The following ST6GALNAC2 variants were observed in gnomAD, a reference collection of about 807,000 sequenced individuals.
The protein encoded by ST6GALNAC2 is ST6 N-acetylgalactosaminide alpha-2,6-sialyltransferase 2.
Under a neutral mutation model 38.7 loss-of-function variants are expected in ST6GALNAC2, and 42 were observed. The observed-to-expected ratio is 1.09, with a 90% CI of 0.85 to 1.40. The LOEUF (loss-of-function observed/expected upper bound fraction) is 1.40, where lower values mean the gene tolerates loss of function less well. ST6GALNAC2 is among the 40% of genes most tolerant of loss of function. ST6GALNAC2 has a pLI of 0.00. For synonymous variants in ST6GALNAC2, 233 were observed against 209.0 expected (o/e 1.11, Z -0.99); for missense variants, 506 against 481.7 (o/e 1.05, Z -0.47).
chr17:76,566,450 C>G (rs1274809186), intron 8 of ST6GALNAC2, among the ~76,000 whole-genome samples, 179 bp from the exon 9 acceptor site: 1 of 152,142 alleles, frequency 6.6e-6, no homozygotes, highest in East Asian at 1.9e-4. Context: ...TGTGTCCCCA[C>G]TTGGCATAGC....
At chr17:76,568,928 G>A (rs778735711) in intron 6 of ST6GALNAC2, 132 bp from the exon 7 acceptor site, 11 of 755,338 alleles carry the variant, frequency 1.5e-5, no homozygotes, top group Non-Finnish European at 2.0e-5. Flanking sequence ...GAGTAGTAGC[G>A]GGAGAAGGGG....
chr17:76,578,465 A>G (rs1185071242), intron 2 of ST6GALNAC2, among the ~76,000 whole-genome samples: 1 of 152,212 alleles, frequency 6.6e-6, no homozygotes, highest in Non-Finnish European at 1.5e-5. Context: ...GGAGTAGAAT[A>G]TAAAATTCAC....
chr17:76,574,353 G>A lies in ST6GALNAC2; in HGVS notation c.361+12C>T, dbSNP rs541636880. The A allele has an allele frequency of 2.7e-5, 43 of 1,603,390 alleles. No homozygotes were observed. In the South Asian group the frequency reaches 3.4e-4, roughly 13 times the overall value. ...GGCAGAAGGCAGGTGAGAGACAGCG[G>A]GCGCGGGTTACCTTGGTGAGAGAGC... On this transcript the variant is annotated intron_variant, in intron 3 of 8. Transcript: ENST00000225276.
chr17:76,579,429 A>G (rs780551542), intron 1 of ST6GALNAC2, among the ~76,000 whole-genome samples: 1 of 152,210 alleles, frequency 6.6e-6, no homozygotes, highest in Non-Finnish European at 1.5e-5. Flanking sequence ...CATCTGAAGG[A>G]TCTCCCTGAC....
chr17:76,573,048 G>A lies in ST6GALNAC2; in HGVS notation c.530+147C>T, dbSNP rs2075370829. The A allele has an allele frequency of 1.4e-5, 14 of 970,132 alleles. No homozygotes were observed. In the South Asian group the frequency reaches 1.5e-4, roughly 11 times the overall value. 60.1% of individuals were successfully genotyped at this position (970,132 alleles called of 1,614,324 possible). A position where few individuals can be genotyped will look rare whatever the true frequency, so the allele number is the denominator to read the frequency against. On this transcript the variant is annotated intron_variant, in intron 4 of 8. Transcript: ENST00000225276. This position sits in a 1 kb window ranked among gnomAD's most constrained non-coding sequence, Gnocchi z 5.1. ...GCTCCGTCCTCAGGGCCTACTGTTT[G>A]TTTTTGCCTTGTCCATGCCCGTGTG...
chr17:76,584,427 ATTTCTTTGCATTGAGATAC>A (rs2075519380), intron 1 of ST6GALNAC2, among the ~76,000 whole-genome samples: 3 of 152,094 alleles, frequency 2.0e-5, no homozygotes, highest in Admixed American at 2.0e-4. Flanking sequence ...AACATGTATT[ATTTCTTTGCATTGAGATAC>A]TTTGTGTTTT....
At chr17:76,569,163 G>C (rs1211364076) in intron 6 of ST6GALNAC2, 1 of 218,708 alleles carries the variant, frequency 4.6e-6, no homozygotes, top group Non-Finnish European at 8.1e-6. Context: ...GAGAGGGACA[G>C]GCAAAGCATG....
In ST6GALNAC2 at chr17:76,584,665, G is replaced by A. The variant is rs146269388; in HGVS notation, c.125+1019C>T. Among the ~76,000 whole-genome samples, 3 of 152,326 alleles carry A rather than the reference G, an allele frequency of 2.0e-5. No homozygotes were observed. In the East Asian group the frequency reaches 5.8e-4, roughly 29 times the overall value. ...GGCAAGCACCCTTTGTTCTAAGAGT[G>A]CTGGACTCCTGATCACTGGCAAGCT... is the stretch of plus-strand genomic sequence containing the variant. On this transcript the variant is annotated intron_variant, in intron 1 of 8. Coordinates refer to ENST00000225276, the MANE Select transcript of ST6GALNAC2 (RefSeq NM_006456.3).
Position 76,573,352 on chromosome 17 carries a change from T to G in ST6GALNAC2, c.373A>C (p.Thr125Pro), listed in dbSNP as rs764334582. The change falls in exon 4 of 9, where the codon ACC (threonine) becomes CCC (proline). Residue 125 changes from threonine (T) to proline (P), a missense_variant. Transcript: ENST00000225276. The surrounding 1 kb of genome is among the most constrained non-coding windows in gnomAD (Gnocchi z 5.1). ...TCTGAGCCGTTCAGAAGGCTCAGGG[T>G]GGAGGCGATGACTGTGGGTGCAGAT... ...RGLSHQVIAS[T>P]LSLLNGSESA... is the part of the protein sequence containing the mutation. The G allele has an allele frequency of 1.9e-6, 3 of 1,548,220 alleles. No homozygotes were observed. In the South Asian group the frequency reaches 3.6e-5, roughly 18 times the overall value.
chr17:76,580,819 C>T (rs2143317562), intron 1 of ST6GALNAC2, among the ~76,000 whole-genome samples: 1 of 152,232 alleles, frequency 6.6e-6, no homozygotes. Flanking sequence ...GAGAAAGGAT[C>T]TTGCTGTGTC....
rs946228728 is a variant in ST6GALNAC2, at chr17:76,571,412, G to A, written c.670-744C>T. 3.9e-5 allele frequency among the ~76,000 whole-genome samples: 6 copies of A among 152,238 alleles called. 1 individual carries two copies. Among genetic ancestry groups the A allele is most frequent in the Admixed American group, 3.9e-4 (6 of 15,294 alleles). On this transcript the variant is annotated intron_variant, in intron 5 of 8. Transcript: ENST00000225276. ...AGTTCAAGACCAGCCTGGCCAACAT[G>A]GTGAAACCCCATCTCCACTAAAAAT...
In ST6GALNAC2 at chr17:76,573,178, G is replaced by T. The variant is rs373319330; in HGVS notation, c.530+17C>A. On this transcript the variant is annotated intron_variant, in intron 4 of 8. Coordinates refer to ENST00000225276, the MANE Select transcript of ST6GALNAC2 (RefSeq NM_006456.3). This position sits in a 1 kb window ranked among gnomAD's most constrained non-coding sequence, Gnocchi z 5.1. ...CAACTCTCCCTCCCGCCCCTCCCCA[G>T]CTCCTACCCCTCATACCTGAATACA... The T allele has an allele frequency of 1.5e-5, 17 of 1,149,792 alleles. No homozygotes were observed. Among genetic ancestry groups the T allele is most frequent in the Non-Finnish European group, 2.2e-5 (17 of 781,650 alleles). 71.2% of individuals were successfully genotyped at this position (1,149,792 alleles called of 1,614,324 possible).
At position 76,567,461 on chromosome 17, in the gene ST6GALNAC2, AGGTATGCAAAGC is replaced by A; in HGVS notation, c.937_948del (p.Ala313_Thr316del). 6.2e-7 allele frequency: 1 copy of A among 1,612,812 alleles called. No individual in the cohort carries two copies. The highest frequency in any genetic ancestry group is 8.5e-7 in the Non-Finnish European group (1 of 1,178,904). ...AAGAGAAGGCCTCTTACCTGGTCAC[AGGTATGCAAAGC>A]TGTCAGCAGCATGAGAGCCCCGGTA... is the stretch of plus-strand genomic sequence containing the variant. On this transcript the variant is annotated inframe_deletion, in exon 8 of 9. Coordinates refer to ENST00000225276, the MANE Select transcript of ST6GALNAC2 (RefSeq NM_006456.3).
intron 5 of ST6GALNAC2, chr17:76,571,116 G>A (rs533235124): frequency 6.5e-6 from 1 of 154,266 alleles, no homozygotes; most frequent in African/African-American, 2.4e-5. Context: ...CTCCAGTCAA[G>A]CTTTTGGGTC....
At chr17:76,566,426 C>T (rs1282608100) in intron 8 of ST6GALNAC2, among the ~76,000 whole-genome samples, 155 bp from the exon 9 acceptor site, 1 of 152,110 alleles carries the variant, frequency 6.6e-6, no homozygotes, top group African/African-American at 2.4e-5. Flanking sequence ...GAGATGGATT[C>T]AGGGGTGACT....
intron 1 of ST6GALNAC2, among the ~76,000 whole-genome samples, chr17:76,583,175 A>G (rs1207756073): frequency 6.6e-6 from 1 of 152,028 alleles, no homozygotes; most frequent in East Asian, 1.9e-4. Context: ...GGAGATCGAG[A>G]CCATCCTGGC....
At chr17:76,578,730 T>C in intron 2 of ST6GALNAC2, 26 bp downstream of exon 2, 1 of 1,604,960 alleles carries the variant, frequency 6.2e-7, no homozygotes, top group Non-Finnish European at 8.5e-7. Context: ...TGCTCAAAAC[T>C]GCCACAGGGT....
chr17:76,578,879 G>C, intron 1 of ST6GALNAC2, 63 bp from the exon 2 acceptor site: 5 of 1,484,768 alleles, frequency 3.4e-6, no homozygotes, highest in Non-Finnish European at 4.6e-6. Flanking sequence ...GGAAGCTTTT[G>C]GACTGACCGA....
At chr17:76,580,958 T>C (rs10852770) in intron 1 of ST6GALNAC2, 114,209 of 151,434 alleles carry the variant, frequency 0.75, 43,295 homozygotes, top group East Asian at 0.85. Flanking sequence ...AAGGAAGGAA[T>C]AGGGGTCCTT....
Sources: gnomAD v4.1 joint callset for allele counts (sites outside exome capture counted in the v4.1 genomes callset) on GRCh38, gnomAD v4.1.1 for gene constraint, Gnocchi (gnomAD v3.1) non-coding constraint, MANE v1.5 for transcripts, NCBI Gene and HGNC (gene_info 2026-07-23, HGNC 2026-07-21) for gene names.